TAOK3: variants seen among roughly 807,000 people sequenced by gnomAD.
The protein encoded by TAOK3 is serine/threonine-protein kinase TAO3.
In TAOK3, 40 loss-of-function variants were observed where a neutral mutation model predicts 120.4. The observed-to-expected ratio is 0.33, with a 90% CI of 0.26 to 0.43. The LOEUF is 0.43. TAOK3 is among the 20% of genes least tolerant of loss of function. The pLI is 1.00. For synonymous variants in TAOK3, 355 were observed against 387.5 expected (o/e 0.92, Z 0.99); for missense variants, 821 against 1,112.1 (o/e 0.74, Z 3.72).
At position 118,363,018 on chromosome 12, in the gene TAOK3, CAAAAAAAAAAAAA is replaced by C. The variant is rs60475060; in HGVS notation, c.-194+9617_-194+9629del. 6.5e-4 allele frequency among the ~76,000 whole-genome samples: 30 copies of C among 45,884 alleles called. No individual in the cohort carries two copies. The South Asian group carries it at 0.025, about 38-fold the overall frequency. The allele number at this position is 45,884 out of a possible 152,430, so 30.1% of individuals were successfully genotyped here. ...TGGGCAACAGAGAAAGACTCCGTAT[CAAAAAAAAAAAAA>C]AAAAAAAAAAAAAGAAAAGAAAGAA... On this transcript the variant is annotated intron_variant, in intron 1 of 20. Transcript: ENST00000392533.
rs2045906273 is a variant in TAOK3, at chr12:118,371,866, T to C, written c.-194+782A>G. ...CTCGGAGTCCCACGCTCGCATGCGC[T>C]GTCCCGAGCCCTCTGGGGGTCCCCT... is the stretch of plus-strand genomic sequence containing the variant. On this transcript the variant is annotated intron_variant, in intron 1 of 20. Transcript: ENST00000392533. This position sits in a 1 kb window ranked among gnomAD's most constrained non-coding sequence, Gnocchi z 5.5. Among the ~76,000 whole-genome samples, 1 of 151,884 alleles carries C rather than the reference T, an allele frequency of 6.6e-6. No homozygotes were observed. The highest frequency in any genetic ancestry group is 1.5e-5 in the Non-Finnish European group (1 of 67,924).
intron 14 of TAOK3, among the ~76,000 whole-genome samples, chr12:118,186,930 C>T (rs1003913817): frequency 2.0e-4 from 31 of 152,144 alleles, no homozygotes; most frequent in African/African-American, 7.2e-4. Flanking sequence ...TGGGCTTCTT[C>T]ATATACTTGT....
intron 1 of TAOK3, among the ~76,000 whole-genome samples, chr12:118,331,065 C>G (rs1168462908): frequency 6.6e-6 from 1 of 152,140 alleles, no homozygotes; most frequent in African/African-American, 2.4e-5. Context: ...GGCAGAAATT[C>G]TAGAACAACA....
intron 3 of TAOK3, among the ~76,000 whole-genome samples, chr12:118,252,531 T>G (rs1022639034): frequency 6.6e-6 from 1 of 152,062 alleles, no homozygotes; most frequent in African/African-American, 2.4e-5. Flanking sequence ...TACCTTTTAA[T>G]TCTTTCTGAA....
intron 1 of TAOK3, among the ~76,000 whole-genome samples, chr12:118,340,958 AC>A (rs1433376236): frequency 6.6e-6 from 1 of 151,444 alleles, no homozygotes; most frequent in African/African-American, 2.4e-5. Context: ...ACAAAAAGAA[AC>A]AAAAAACATT....
chr12:118,312,322 A>G (rs901898257), intron 1 of TAOK3, among the ~76,000 whole-genome samples: 2 of 152,182 alleles, frequency 1.3e-5, no homozygotes, highest in African/African-American at 2.4e-5. Context: ...TAGTCCCTTA[A>G]TTTAAGACTA....
intron 9 of TAOK3, among the ~76,000 whole-genome samples, chr12:118,214,436 C>T (rs78141198): frequency 0.014 from 2,182 of 151,790 alleles, 49 homozygotes; most frequent in African/African-American, 0.049. Flanking sequence ...TTTGCATGTG[C>T]GTTTTAGCTC....
At chr12:118,337,881 A>C (rs2044430832) in intron 1 of TAOK3, among the ~76,000 whole-genome samples, 1 of 152,202 alleles carries the variant, frequency 6.6e-6, no homozygotes, top group Non-Finnish European at 1.5e-5. Context: ...ATAGACCTAA[A>C]TATACACACA....
chr12:118,233,145 C>T (rs1418045636), intron 9 of TAOK3, among the ~76,000 whole-genome samples: 1 of 150,746 alleles, frequency 6.6e-6, no homozygotes, highest in Admixed American at 6.7e-5. Flanking sequence ...AGCAAACTAT[C>T]GCAAGGACAA....
intron 1 of TAOK3, among the ~76,000 whole-genome samples, chr12:118,347,087 C>T (rs1443836427): frequency 6.6e-6 from 1 of 152,148 alleles, no homozygotes; most frequent in African/African-American, 2.4e-5. Context: ...TCACTGAAGC[C>T]TTGACTGCCC....
At chr12:118,211,333 G>A (rs2038620337) in intron 11 of TAOK3, among the ~76,000 whole-genome samples, 1 of 152,064 alleles carries the variant, frequency 6.6e-6, no homozygotes, top group African/African-American at 2.4e-5. Flanking sequence ...GCATATATTA[G>A]ATCTCCTGTG....
At position 118,214,034 on chromosome 12, in the gene TAOK3, C is replaced by T. The variant is rs186342991; in HGVS notation, c.720G>A (p.Thr240=). Residue 240 remains threonine (T), a synonymous_variant, in exon 10 of 21, where the codon ACG becomes ACA. Transcript: ENST00000392533. ...AGTCTTACCATTCATTAGACTGTAACGTTGGGGAGTCATTCTGGGCAATGT... is the reference window on the plus strand; with the variant it reads ...AGTCTTACCATTCATTAGACTGTAATGTTGGGGAGTCATTCTGGGCAATGT... ...LYHIAQNDSP[T]LQSNEWTDSF... 1.8e-5 allele frequency: 29 copies of T among 1,610,838 alleles called. No homozygotes were observed. The East Asian group carries it at 2.9e-4, about 16-fold the overall frequency.
At chr12:118,251,594 T>C (rs1281696199) in intron 3 of TAOK3, among the ~76,000 whole-genome samples, 2 of 152,170 alleles carry the variant, frequency 1.3e-5, no homozygotes, top group Non-Finnish European at 2.9e-5. Flanking sequence ...TGCCAGCCTT[T>C]AGAGTTGTAA....
chr12:118,288,484 C>A (rs1386107386), intron 1 of TAOK3, among the ~76,000 whole-genome samples: 1 of 152,138 alleles, frequency 6.6e-6, no homozygotes, highest in Non-Finnish European at 1.5e-5. Context: ...AGAGCCCACA[C>A]CAGAAGCTGA....
intron 17 of TAOK3, among the ~76,000 whole-genome samples, chr12:118,167,900 T>C (rs1057452135): frequency 2.0e-4 from 31 of 152,204 alleles, no homozygotes; most frequent in African/African-American, 7.0e-4. Context: ...GAAGTTGCTT[T>C]ACCAGCGTGG....
chr12:118,195,982 G>A (rs985958092), intron 13 of TAOK3, among the ~76,000 whole-genome samples: 4 of 151,958 alleles, frequency 2.6e-5, no homozygotes, highest in Non-Finnish European at 5.9e-5. Context: ...CGCAGGAGGC[G>A]GAGCTTGCAG....
intron 15 of TAOK3, among the ~76,000 whole-genome samples, chr12:118,177,641 T>C (rs1370524968): frequency 6.6e-6 from 1 of 151,790 alleles, no homozygotes; most frequent in African/African-American, 2.4e-5. Context: ...TTGACCAACA[T>C]GGTGAAACCC....
chr12:118,293,880 T>C (rs1263488099), intron 1 of TAOK3, among the ~76,000 whole-genome samples: 1 of 149,990 alleles, frequency 6.7e-6, no homozygotes, highest in Non-Finnish European at 1.5e-5. Context: ...CTGGGCATGG[T>C]GGCGCACGCC....
chr12:118,310,141 G>A (rs2043209893), intron 1 of TAOK3, among the ~76,000 whole-genome samples: 1 of 152,086 alleles, frequency 6.6e-6, no homozygotes, highest in Admixed American at 6.6e-5. Context: ...AAAATTAGCT[G>A]GGCATAGTGG....
Sources: allele counts gnomAD v4.1 joint callset (sites outside exome capture counted in the v4.1 genomes callset), GRCh38; gene constraint gnomAD v4.1.1; non-coding constraint Gnocchi (gnomAD v3.1); transcripts MANE v1.5; gene names NCBI Gene and HGNC (gene_info 2026-07-23, HGNC 2026-07-21).